The following DDX10 variants were observed in gnomAD, a reference collection of about 807,000 sequenced individuals.
DDX10 encodes the protein DEAD-box helicase 10.
DDX10 carries 74 observed loss-of-function variants against 104.3 expected under a neutral mutation model. The ratio of observed to expected loss-of-function variants is 0.71; its 90% CI spans 0.59 to 0.86. DDX10 has a LOEUF of 0.86. Ranked by LOEUF, DDX10 falls within the 40% of genes least tolerant of loss-of-function variation. The probability of loss-of-function intolerance (pLI) is 0.00; values close to 1 mark genes in which losing one functional copy is unlikely to be tolerated. For missense variants in DDX10, 952 were observed against 1,040.0 expected (o/e 0.92, Z 1.16); for synonymous variants, 351 against 353.4 (o/e 0.99, Z 0.08).
At chr11:108,883,023 T>G (rs528312921) in intron 16 of DDX10, among the ~76,000 whole-genome samples, 31 of 152,190 alleles carry the variant, frequency 2.0e-4, no homozygotes, top group Non-Finnish European at 1.3e-4. Flanking sequence ...TCATTAAGTA[T>G]TGGCTTTAAA....
At chr11:108,926,521 G>C (rs1455610745) in intron 17 of DDX10, among the ~76,000 whole-genome samples, 1 of 152,150 alleles carries the variant, frequency 6.6e-6, no homozygotes, top group East Asian at 1.9e-4. Flanking sequence ...TCCTTTTGCA[G>C]TTATGTTTAT....
chr11:108,678,957 T>C (rs972411793), intron 5 of DDX10, among the ~76,000 whole-genome samples: 1 of 148,670 alleles, frequency 6.7e-6, no homozygotes, highest in Non-Finnish European at 1.5e-5. Context: ...GCTCATGGGT[T>C]CAAGTGATTC....
chr11:108,826,758 T>A (rs941934817), intron 13 of DDX10, among the ~76,000 whole-genome samples: 1 of 152,202 alleles, frequency 6.6e-6, no homozygotes, highest in Non-Finnish European at 1.5e-5. Flanking sequence ...TTGTGTCCTC[T>A]GGGTCCAACC....
chr11:108,827,617 A>C (rs1386944467), intron 13 of DDX10, among the ~76,000 whole-genome samples: 1 of 152,172 alleles, frequency 6.6e-6, no homozygotes, highest in Non-Finnish European at 1.5e-5. Flanking sequence ...ATAATTCATA[A>C]TTTATAAGCG....
rs1396801903 is a variant in DDX10, at chr11:108,751,467, C to G, written c.1965+28005C>G. On this transcript the variant is annotated intron_variant, in intron 13 of 17. Coordinates refer to ENST00000322536, the MANE Select transcript of DDX10 (RefSeq NM_004398.4). ...TCCTTCCATAACAAAAGCTCTTAAT[C>G]TGCAGTTAATATATTATGAAAGTCA... Among the ~76,000 whole-genome samples, 3 of 152,096 alleles carry G rather than the reference C, an allele frequency of 2.0e-5. No homozygotes were observed. In the East Asian group the frequency reaches 5.8e-4, roughly 29 times the overall value.
At chr11:108,806,726 G>C (rs975001749) in intron 13 of DDX10, among the ~76,000 whole-genome samples, 3 of 152,192 alleles carry the variant, frequency 2.0e-5, no homozygotes, top group African/African-American at 7.2e-5. Context: ...GACTGGGAAG[G>C]AACCAGCTGA....
At chr11:108,744,438 T>C (rs907784212) in intron 13 of DDX10, among the ~76,000 whole-genome samples, 16 of 152,184 alleles carry the variant, frequency 1.1e-4, no homozygotes, top group African/African-American at 1.7e-4. Context: ...CCACAGCCAC[T>C]TCAGGGACTC....
chr11:108,821,671 G>A (rs1862326789), intron 13 of DDX10, among the ~76,000 whole-genome samples: 1 of 152,134 alleles, frequency 6.6e-6, no homozygotes, highest in African/African-American at 2.4e-5. Context: ...GAAGAAATTA[G>A]AGGTCAAATT....
intron 2 of DDX10, among the ~76,000 whole-genome samples, chr11:108,674,666 G>C (rs2094221593): frequency 6.6e-6 from 1 of 152,020 alleles, no homozygotes; most frequent in South Asian, 2.1e-4. Flanking sequence ...GCATGCCACT[G>C]TGCCTGGCTA....
At chr11:108,805,153 A>C (rs1862079097) in intron 13 of DDX10, among the ~76,000 whole-genome samples, 1 of 152,206 alleles carries the variant, frequency 6.6e-6, no homozygotes, top group Non-Finnish European at 1.5e-5. Context: ...TTTATTGCTT[A>C]TATATTGTGT....
At chr11:108,770,511 C>T (rs1255241338) in intron 13 of DDX10, among the ~76,000 whole-genome samples, 1 of 111,224 alleles carries the variant, frequency 9.0e-6, no homozygotes, top group Non-Finnish European at 1.8e-5. Context: ...CCTGCACCAA[C>T]CCCCACTACC....
In DDX10 at chr11:108,723,275, A is replaced by G; in HGVS notation, c.1778A>G (p.Glu593Gly). The G allele has an allele frequency of 6.2e-7, 1 of 1,613,558 alleles. No homozygotes were observed. The highest frequency in any genetic ancestry group is 1.1e-5 in the South Asian group (1 of 91,012). ...GAAGAAGACGATGAAGAAGAAATGG[A>G]AGAGAAACTGGCAAAAGCAAAAGGA... ...EEEEDDEEEM[E>G]EKLAKAKGSQ... The change falls in exon 13 of 18, where the codon GAA becomes GGA. Residue 593 changes from glutamate to glycine, a missense_variant. Glu to Gly is a moderately conservative substitution (Grantham distance 98). This residue lies in a region of DDX10 where 533 missense variants were observed against 534.1 expected (regional missense o/e 1.00). Coordinates refer to ENST00000322536, the MANE Select transcript of DDX10 (RefSeq NM_004398.4).
intron 9 of DDX10, among the ~76,000 whole-genome samples, chr11:108,695,614 ATTTT>A (rs2094258683): frequency 6.6e-6 from 1 of 152,020 alleles, no homozygotes; most frequent in African/African-American, 2.4e-5. Context: ...TTTGAAGAAA[ATTTT>A]TTTGTTTTTG....
chr11:108,822,903 G>A (rs78193221), intron 13 of DDX10, among the ~76,000 whole-genome samples: 3,698 of 152,214 alleles, frequency 0.024, 48 homozygotes, highest in Middle Eastern at 0.054. Context: ...ATTGCTTCTC[G>A]GCTATTTGGC....
chr11:108,767,186 T>A (rs1053570872), intron 13 of DDX10: 1 of 152,206 alleles, frequency 6.6e-6, no homozygotes, highest in Non-Finnish European at 1.5e-5. Context: ...TCTGGACTTA[T>A]CTTACTGATT....
intron 13 of DDX10, among the ~76,000 whole-genome samples, chr11:108,770,353 C>A (rs1263298073): frequency 4.6e-5 from 7 of 152,044 alleles, no homozygotes. Context: ...ACTATAGTCA[C>A]CCTATTATGC....
At chr11:108,801,134 A>T (rs1048464504) in intron 13 of DDX10, among the ~76,000 whole-genome samples, 17 of 152,316 alleles carry the variant, frequency 1.1e-4, no homozygotes, top group South Asian at 6.2e-4. Context: ...GAGTGTTAGA[A>T]TGGGTATTCT....
At chr11:108,834,812 C>T (rs1056810401) in intron 13 of DDX10, among the ~76,000 whole-genome samples, 1 of 150,746 alleles carries the variant, frequency 6.6e-6, no homozygotes, top group Non-Finnish European at 1.5e-5. Flanking sequence ...CCTGTAGTCC[C>T]AGCTACTCCG....
intron 9 of DDX10, among the ~76,000 whole-genome samples, chr11:108,700,395 G>T (rs1169225033): frequency 6.6e-6 from 1 of 152,184 alleles, no homozygotes; most frequent in African/African-American, 2.4e-5. Flanking sequence ...TTTATGCTTA[G>T]ATCTTTCTGA....
Sources: allele counts gnomAD v4.1 joint callset (sites outside exome capture counted in the v4.1 genomes callset), GRCh38; gene constraint gnomAD v4.1.1; regional missense constraint gnomAD v4.1.1; transcripts MANE v1.5; gene names NCBI Gene and HGNC (gene_info 2026-07-23, HGNC 2026-07-21).